LRMDA: variants seen among roughly 807,000 people sequenced by gnomAD.
The protein encoded by LRMDA is leucine rich melanocyte differentiation associated, also known as leucine-rich melanocyte differentiation-associated protein.
In LRMDA, 18 loss-of-function variants were observed where a neutral mutation model predicts 29.8. That is an observed-to-expected ratio of 0.60 (90% CI 0.42 to 0.90). LRMDA has a LOEUF of 0.90. LRMDA is among the 40% of genes least tolerant of loss of function. The probability of loss-of-function intolerance (pLI) is 0.00; values close to 1 mark genes in which losing one functional copy is unlikely to be tolerated. For synonymous variants in LRMDA, 125 were observed against 109.4 expected (o/e 1.14, Z -0.89); for missense variants, 273 against 273.9 (o/e 1.00, Z 0.02).
intron 2 of LRMDA, among the ~76,000 whole-genome samples, chr10:75,755,878 A>G (rs1343465853): frequency 1.3e-5 from 2 of 152,102 alleles, no homozygotes; most frequent in Non-Finnish European, 2.9e-5. Flanking sequence ...ATATTCCTCC[A>G]CTTGCTTTGC....
intron 2 of LRMDA, among the ~76,000 whole-genome samples, chr10:75,970,715 G>A: frequency 6.6e-6 from 1 of 152,236 alleles, no homozygotes; most frequent in East Asian, 1.9e-4. Flanking sequence ...GGCAGGCCCA[G>A]TGTGGGCTTG....
intron 5 of LRMDA, among the ~76,000 whole-genome samples, chr10:76,174,168 C>CT (rs1850890613): frequency 6.6e-6 from 1 of 152,130 alleles, no homozygotes; most frequent in Admixed American, 6.5e-5. Flanking sequence ...GATATCAAAA[C>CT]TAGAATAAGA....
At chr10:76,495,818 A>T (rs1842876305) in intron 6 of LRMDA, among the ~76,000 whole-genome samples, 1 of 78,218 alleles carries the variant, frequency 1.3e-5, no homozygotes, top group African/African-American at 3.1e-5. Flanking sequence ...GTCCATTTTC[A>T]GTATATAGAA....
At chr10:76,281,029 C>T (rs749182686) in intron 5 of LRMDA, among the ~76,000 whole-genome samples, 13 of 152,156 alleles carry the variant, frequency 8.5e-5, no homozygotes, top group African/African-American at 1.7e-4. Flanking sequence ...ATTGAGTCCC[C>T]GTTACAACAG....
chr10:75,751,899 G>A (rs957490317), intron 2 of LRMDA, among the ~76,000 whole-genome samples: 1 of 152,162 alleles, frequency 6.6e-6, no homozygotes, highest in Non-Finnish European at 1.5e-5. Context: ...GGCAGGCAAG[G>A]CTTGGGCTGG....
chr10:76,334,163 G>T (rs1020833147), intron 6 of LRMDA, among the ~76,000 whole-genome samples: 3 of 152,176 alleles, frequency 2.0e-5, no homozygotes, highest in Non-Finnish European at 2.9e-5. Flanking sequence ...AATGTCCAGG[G>T]TGTTTTATTT....
At chr10:76,005,496 C>G (rs1326217196) in intron 2 of LRMDA, among the ~76,000 whole-genome samples, 2 of 152,162 alleles carry the variant, frequency 1.3e-5, no homozygotes, top group Non-Finnish European at 2.9e-5. Context: ...ACATGTAGTT[C>G]CAGCTACTTG....
chr10:76,144,351 A>G (rs1441051946), intron 5 of LRMDA, among the ~76,000 whole-genome samples: 1 of 152,020 alleles, frequency 6.6e-6, no homozygotes, highest in African/African-American at 2.4e-5. Flanking sequence ...ATTTGTTTGT[A>G]TCCTCTTTTA....
chr10:75,962,605 C>T (rs898736841), intron 2 of LRMDA, among the ~76,000 whole-genome samples: 3 of 152,192 alleles, frequency 2.0e-5, no homozygotes, highest in African/African-American at 7.2e-5. Context: ...GGGATGCAAG[C>T]CTAGTAAATG....
intron 5 of LRMDA, among the ~76,000 whole-genome samples, chr10:76,108,185 G>A (rs772980628): frequency 3.3e-5 from 5 of 152,176 alleles, no homozygotes; most frequent in African/African-American, 9.7e-5. Context: ...AAGAGGGACT[G>A]CTTAACCTAG....
At chr10:75,751,000 C>G (rs1322475647) in intron 2 of LRMDA, among the ~76,000 whole-genome samples, 1 of 152,198 alleles carries the variant, frequency 6.6e-6, no homozygotes, top group East Asian at 1.9e-4. Flanking sequence ...GCCGAGATCA[C>G]GCCACTGCAC....
intron 6 of LRMDA, among the ~76,000 whole-genome samples, chr10:76,335,749 T>C (rs1428694318): frequency 3.3e-5 from 5 of 152,110 alleles, no homozygotes. Flanking sequence ...AAGGAACAGC[T>C]GGGTGATATA....
chr10:76,023,120 G>A (rs1589292677), intron 2 of LRMDA, among the ~76,000 whole-genome samples: 1 of 150,184 alleles, frequency 6.7e-6, no homozygotes, highest in Admixed American at 6.6e-5. Context: ...TCAAATTAAA[G>A]CTGCCTCTGT....
Position 75,660,490 on chromosome 10 carries a change from G to A in LRMDA, c.131+221996G>A, listed in dbSNP as rs567741291. Among the ~76,000 whole-genome samples the A allele has an allele frequency of 3.9e-5, 6 of 152,262 alleles. No individual in the cohort carries two copies. The South Asian group carries it at 1.2e-3, about 32-fold the overall frequency. ...GCCTCTGTTCTGCCCATCACAGGAC[G>A]GGGGGAGAAGTGCTGGGTGGGAGTT... is the stretch of plus-strand genomic sequence containing the variant. On this transcript the variant is annotated intron_variant, in intron 2 of 6. Coordinates refer to ENST00000611255, the MANE Select transcript of LRMDA (RefSeq NM_001305581.2).
intron 2 of LRMDA, among the ~76,000 whole-genome samples, chr10:75,701,969 G>A (rs4746320): frequency 3.9e-5 from 6 of 151,978 alleles, no homozygotes; most frequent in Admixed American, 6.6e-5. Context: ...TGCTTCGGCC[G>A]CATGTTTCTC....
chr10:76,121,300 C>T (rs1038953232), intron 5 of LRMDA, among the ~76,000 whole-genome samples: 6 of 152,036 alleles, frequency 3.9e-5, no homozygotes, highest in African/African-American at 1.2e-4. Context: ...ATGAGATACT[C>T]TAGTTAATGA....
intron 5 of LRMDA, among the ~76,000 whole-genome samples, chr10:76,183,522 A>T (rs891192010): frequency 6.6e-6 from 1 of 152,178 alleles, no homozygotes; most frequent in African/African-American, 2.4e-5. Flanking sequence ...TTCTGTTCAG[A>T]AAACTGAAAT....
intron 3 of LRMDA, among the ~76,000 whole-genome samples, chr10:76,040,633 C>T (rs764856544): frequency 6.6e-6 from 1 of 152,110 alleles, no homozygotes; most frequent in Admixed American, 6.5e-5. Context: ...ACTCTTCCAC[C>T]AGGAGGGGTG....
At chr10:75,743,853 A>G (rs1416012014) in intron 2 of LRMDA, 2 of 152,176 alleles carry the variant, frequency 1.3e-5, no homozygotes, top group Non-Finnish European at 2.9e-5. Flanking sequence ...CACCAACACT[A>G]TTGTCGTTAA....
Sources: gnomAD v4.1 joint callset for allele counts (sites outside exome capture counted in the v4.1 genomes callset) on GRCh38, gnomAD v4.1.1 for gene constraint, MANE v1.5 for transcripts, NCBI Gene and HGNC (gene_info 2026-07-23, HGNC 2026-07-21) for gene names.